Variants in NKAIN3 observed in about 807,000 individuals in gnomAD.
The protein encoded by NKAIN3 is sodium/potassium transporting ATPase interacting 3, also known as sodium/potassium-transporting ATPase subunit beta-1-interacting protein 3.
NKAIN3 carries 25 observed loss-of-function variants against 30.2 expected under a neutral mutation model. The ratio of observed to expected loss-of-function variants is 0.83; its 90% confidence interval spans 0.60 to 1.16. NKAIN3 has a LOEUF of 1.16. Among genes scored for constraint, NKAIN3 ranks in the 50% most tolerant of loss-of-function variants. The probability of loss-of-function intolerance (pLI) is 0.00; values close to 1 mark genes in which losing one functional copy is unlikely to be tolerated. For missense variants in NKAIN3, 225 were observed against 254.1 expected, an observed-to-expected ratio of 0.89 and a Z score of 0.78; for synonymous variants, 91 against 89.6, an observed-to-expected ratio of 1.02 and a Z score of -0.09.
At chr8:62,322,443 G>C (rs1475295552) in intron 1 of NKAIN3, among the ~76,000 whole-genome samples, 1 of 149,860 alleles carries the variant, frequency 6.7e-6, no homozygotes, top group Admixed American at 6.6e-5. Flanking sequence ...GTAGACTGGA[G>C]CTGTTGCTAT....
At chr8:62,642,254 G>C (rs1046398298) in intron 3 of NKAIN3, among the ~76,000 whole-genome samples, 1 of 152,066 alleles carries the variant, frequency 6.6e-6, no homozygotes, top group Non-Finnish European at 1.5e-5. Context: ...TCACCATGTA[G>C]CATGACATAG....
Position 62,957,367 on chromosome 8 carries a change from C to T in NKAIN3, c.603+3395C>T, listed in dbSNP as rs191708533. Among the ~76,000 whole-genome samples the T allele has an allele frequency of 5.7e-3, 875 of 152,320 alleles. 10 individuals carry two copies. Among genetic ancestry groups the T allele is most frequent in the African/African-American group, 0.02 (838 of 41,566 alleles). On this transcript the variant is annotated intron_variant, in intron 6 of 6. Transcript: ENST00000623646. ...GCCAGGTTGGTCTCGATCTCCTGAC[C>T]TTGTGATCCGCCCCCTTCGGCCTCC...
At chr8:62,388,071 C>T (rs1249846577) in intron 1 of NKAIN3, among the ~76,000 whole-genome samples, 1 of 152,110 alleles carries the variant, frequency 6.6e-6, no homozygotes, top group Non-Finnish European at 1.5e-5. Flanking sequence ...GGCTTTTTAA[C>T]ACCGTTAAAT....
chr8:62,945,177 C>A (rs1823086224), intron 5 of NKAIN3, among the ~76,000 whole-genome samples: 2 of 151,746 alleles, frequency 1.3e-5, no homozygotes, highest in Non-Finnish European at 2.9e-5. Flanking sequence ...GTAAAATATA[C>A]AATATAGCAT....
At chr8:62,414,328 C>A (rs1279049521) in intron 1 of NKAIN3, among the ~76,000 whole-genome samples, 1 of 152,054 alleles carries the variant, frequency 6.6e-6, no homozygotes, top group African/African-American at 2.4e-5. Context: ...GAAGCAAATA[C>A]AATTATGGTT....
At chr8:62,855,453 T>G (rs1820033891) in intron 4 of NKAIN3, 1 of 1,249,536 alleles carries the variant, frequency 8.0e-7, no homozygotes, top group Non-Finnish European at 1.2e-6. Flanking sequence ...ATCTTGGGTC[T>G]TTTGCTTCCA....
At chr8:62,702,212 G>C (rs1814361753) in intron 3 of NKAIN3, among the ~76,000 whole-genome samples, 1 of 152,144 alleles carries the variant, frequency 6.6e-6, no homozygotes, top group South Asian at 2.1e-4. Flanking sequence ...AGTGGCATAT[G>C]CTCATTCGAA....
rs988356378 is a variant in NKAIN3 at position 62,965,529 on chromosome 8, G to A, written c.*122G>A. 12 of 982,068 alleles carry A rather than the reference G, an allele frequency of 1.2e-5. No homozygotes were observed. The African/African-American group carries it at 2.1e-4, about 18-fold the overall frequency. 60.8% of individuals were successfully genotyped at this position (982,068 alleles called of 1,614,324 possible). A position where few individuals can be genotyped will look rare whatever the true frequency, so the allele number is the denominator to read the frequency against. On this transcript the variant is annotated 3_prime_UTR_variant, in exon 7 of 7. Coordinates refer to ENST00000623646, the MANE Select transcript of NKAIN3 (RefSeq NM_001304533.3). ...ATGGAGCATTTTGGTCACAGCCTTT[G>A]TATTATTAGCATTGTTCTCTAGATG...
intron 4 of NKAIN3, among the ~76,000 whole-genome samples, chr8:62,810,048 C>G (rs1232273973): frequency 6.6e-6 from 1 of 152,024 alleles, no homozygotes; most frequent in Non-Finnish European, 1.5e-5. Flanking sequence ...GAAGTCAGAC[C>G]TTGAAGCCCC....
chr8:62,958,553 T>G lies in NKAIN3; in HGVS notation c.603+4581T>G, dbSNP rs112836430. Reference sequence around the variant, plus strand: ...ACCCAGTGGTCAGCAGCAGTGGCTCTGAAAAGGATACCTACACATCAGCTT... The same window carrying G: ...ACCCAGTGGTCAGCAGCAGTGGCTCGGAAAAGGATACCTACACATCAGCTT... On this transcript the variant is annotated intron_variant, in intron 6 of 6. Transcript: ENST00000623646. Among the ~76,000 whole-genome samples the G allele has an allele frequency of 1.6e-3, 242 of 152,194 alleles. 2 individuals are homozygous for G. The highest frequency in any genetic ancestry group is 8.7e-4 in the Non-Finnish European group (59 of 68,012).
At chr8:62,837,405 G>A (rs924733996) in intron 4 of NKAIN3, among the ~76,000 whole-genome samples, 5 of 152,076 alleles carry the variant, frequency 3.3e-5, no homozygotes, top group Non-Finnish European at 7.4e-5. Context: ...AGTTGGTATC[G>A]GGAAACACAA....
rs535986800 is a variant in NKAIN3, at chr8:62,996,317, A to G, written c.533-2914A>G. The stretch of plus-strand genomic sequence containing the variant: ...GGGGAAAGCTGCCCCTTTTAAAACC[A>G]TCAGATCACATGAGAGCTCCCTCAC... On this transcript the variant is annotated intron_variant, in intron 5 of 5. Coordinates refer to the NKAIN3 transcript ENST00000519049. Among the ~76,000 whole-genome samples, 301 of 150,424 alleles carry G rather than the reference A, an allele frequency of 2.0e-3. 1 individual carries two copies. The highest frequency in any genetic ancestry group is 3.2e-3 in the Non-Finnish European group (213 of 67,022).
chr8:62,576,149 T>C (rs755740370), intron 1 of NKAIN3, among the ~76,000 whole-genome samples: 3 of 151,766 alleles, frequency 2.0e-5, no homozygotes, highest in Non-Finnish European at 2.9e-5. Context: ...CTGCACAGCA[T>C]AGGGAACAAT....
chr8:62,951,091 T>C (rs1823273688), intron 5 of NKAIN3, among the ~76,000 whole-genome samples: 1 of 151,942 alleles, frequency 6.6e-6, no homozygotes, highest in Non-Finnish European at 1.5e-5. Flanking sequence ...GTATGCAACC[T>C]GGTCACTGAT....
chr8:62,300,618 T>G (rs1814013215), intron 1 of NKAIN3, among the ~76,000 whole-genome samples: 1 of 152,174 alleles, frequency 6.6e-6, no homozygotes, highest in South Asian at 2.1e-4. Context: ...AGTATCTTAT[T>G]TGGCCAAAAT....
intron 4 of NKAIN3, among the ~76,000 whole-genome samples, chr8:62,788,972 C>T (rs1817615014): frequency 6.6e-6 from 1 of 152,136 alleles, no homozygotes; most frequent in South Asian, 2.1e-4. Flanking sequence ...AGCATGATGC[C>T]TCCAGCTTTG....
intron 1 of NKAIN3, among the ~76,000 whole-genome samples, chr8:62,403,159 A>G (rs1430825910): frequency 6.6e-6 from 1 of 152,188 alleles, no homozygotes; most frequent in African/African-American, 2.4e-5. Context: ...TATTTGTGCA[A>G]CTTTGGACTT....
intron 1 of NKAIN3, among the ~76,000 whole-genome samples, chr8:62,446,982 A>G (rs1177098345): frequency 2.0e-5 from 3 of 152,112 alleles, no homozygotes; most frequent in Admixed American, 6.5e-5. Flanking sequence ...AAAATCTTTT[A>G]GATAAGACAA....
intron 4 of NKAIN3, among the ~76,000 whole-genome samples, chr8:62,766,149 T>C (rs1231903182): frequency 6.6e-6 from 1 of 152,186 alleles, no homozygotes; most frequent in African/African-American, 2.4e-5. Flanking sequence ...CTGATGATTA[T>C]TGGTTATTAG....
Sources: allele counts gnomAD v4.1 joint callset (sites outside exome capture counted in the v4.1 genomes callset), GRCh38; gene constraint gnomAD v4.1.1; transcripts MANE v1.5; gene names NCBI Gene and HGNC (gene_info 2026-07-23, HGNC 2026-07-21).